SCYL3: variants seen among roughly 807,000 people sequenced by gnomAD.
SCYL3 encodes the protein protein-associating with the carboxyl-terminal domain of ezrin.
SCYL3 carries 35 observed loss-of-function variants against 73.8 expected under a neutral mutation model. The ratio of observed to expected loss-of-function variants is 0.47; its 90% CI spans 0.36 to 0.63. SCYL3 has a LOEUF of 0.63. SCYL3 is among the 20% of genes least tolerant of loss of function. SCYL3 has a pLI of 0.00. For missense variants in SCYL3, 712 were observed against 798.9 expected, an observed-to-expected ratio of 0.89 and a Z score of 1.31; for synonymous variants, 277 against 295.2, an observed-to-expected ratio of 0.94 and a Z score of 0.63.
At chr1:169,881,625 C>T (rs1661265961) in intron 2 of SCYL3, among the ~76,000 whole-genome samples, 1 of 152,182 alleles carries the variant, frequency 6.6e-6, no homozygotes, top group African/African-American at 2.4e-5. Flanking sequence ...CTGGTAACCA[C>T]CAGTCTACTC....
At chr1:169,868,415 C>A (rs1660182970) in intron 7 of SCYL3, among the ~76,000 whole-genome samples, 1 of 152,172 alleles carries the variant, frequency 6.6e-6, no homozygotes, top group African/African-American at 2.4e-5. Flanking sequence ...TCAAAAATAT[C>A]TCTGAATCTA....
chr1:169,861,369 C>G (rs1221626867), intron 10 of SCYL3, among the ~76,000 whole-genome samples: 1 of 152,126 alleles, frequency 6.6e-6, no homozygotes, highest in Non-Finnish European at 1.5e-5. Flanking sequence ...ACCTGCCTTG[C>G]TAGAGAAATC....
intron 10 of SCYL3, among the ~76,000 whole-genome samples, chr1:169,861,564 G>A (rs778776544): frequency 1.6e-4 from 24 of 152,158 alleles, no homozygotes; most frequent in Middle Eastern, 3.2e-3. Flanking sequence ...CTTCAGCTGA[G>A]TCCAGTCAAT....
rs1659882425 is a variant in SCYL3, at chr1:169,864,451, C to T, written c.873G>A (p.Val291=). ...LSEELIASRL[V]PLLLNQLVFA... ...ACACCAACTGATTAAGCAGAAGAGG[C>T]ACCAACCTTGAAGCTATCAATTCCT... The change falls in exon 9 of 13, where the codon GTG becomes GTA. Residue 291 remains valine (V), a synonymous_variant. Transcript: ENST00000367771. 1 of 1,613,690 alleles carries T rather than the reference C, an allele frequency of 6.2e-7. No individual in the cohort carries two copies. The highest frequency in any genetic ancestry group is 8.5e-7 in the Non-Finnish European group (1 of 1,179,872).
chr1:169,849,705 G>C lies in SCYL3; in HGVS notation c.*4008C>G. On this transcript the variant is annotated 3_prime_UTR_variant, in exon 13 of 13. Transcript: ENST00000367771. ...ACATTTATTGAACTGCTTCTGTATT[G>C]CAATCGGAAAATTGTCTGAAGGGTA... 1.1e-6 allele frequency: 1 copy of C among 887,460 alleles called. No individual in the cohort carries two copies. Among genetic ancestry groups the C allele is most frequent in the Non-Finnish European group, 1.8e-6 (1 of 565,606 alleles). The allele number at this position is 887,460 out of a possible 1,614,324, so 55.0% of individuals were successfully genotyped here.
At chr1:169,876,976 A>G (rs1381445847) in intron 3 of SCYL3, among the ~76,000 whole-genome samples, 70 of 149,298 alleles carry the variant, frequency 4.7e-4, no homozygotes, top group South Asian at 3.4e-3. Flanking sequence ...AAAAAAAAAA[A>G]AAAAAAAAAA....
In SCYL3 at chr1:169,853,323, T is replaced by C. The variant is rs1201201984; in HGVS notation, c.*390A>G. 5.9e-6 allele frequency: 2 copies of C among 338,366 alleles called. No individual in the cohort carries two copies. Among genetic ancestry groups the C allele is most frequent in the Non-Finnish European group, 5.3e-6 (1 of 187,118 alleles). 21.0% of individuals were successfully genotyped at this position (338,366 alleles called of 1,614,324 possible). A position where few individuals can be genotyped will look rare whatever the true frequency, so the allele number is the denominator to read the frequency against. On this transcript the variant is annotated 3_prime_UTR_variant, in exon 13 of 13. Transcript: ENST00000367771. ...AGCTAAAATTTTTTAAAGTTGTATT[T>C]CATAATAGAGCTTACTCTTATGTTA...
chr1:169,886,770 A>G (rs1661713521), intron 2 of SCYL3, among the ~76,000 whole-genome samples: 1 of 152,246 alleles, frequency 6.6e-6, no homozygotes, highest in Non-Finnish European at 1.5e-5. Flanking sequence ...TGAGATGGTC[A>G]GATAGAACTA....
chr1:169,893,897 A>T (rs1489863369), upstream of SCYL3: 1 of 152,476 alleles, frequency 6.6e-6, no homozygotes, highest in Non-Finnish European at 1.5e-5. Flanking sequence ...TGGCCACTAC[A>T]CCCACAATCT....
chr1:169,859,158 T>A lies in SCYL3; in HGVS notation c.1195A>T (p.Ser399Cys). 1.9e-6 allele frequency: 3 copies of A among 1,613,786 alleles called. No homozygotes were observed. Among genetic ancestry groups the A allele is most frequent in the African/African-American group, 2.7e-5 (2 of 75,002 alleles). Reference sequence around the variant, plus strand: ...AGCAGAGAGACCAGCACTGCTAGGCTATGCAGAGTAATTGCCACAATGGAA... The same window carrying A: ...AGCAGAGAGACCAGCACTGCTAGGCAATGCAGAGTAATTGCCACAATGGAA... Reference protein sequence around the residue: ...SDSIVAITLHSLAVLVSLLGP... With the variant: ...SDSIVAITLHCLAVLVSLLGP... Residue 399 changes from serine to cysteine, a missense_variant, in exon 11 of 13, where the codon AGC becomes TGC. Ser to Cys is a moderately radical substitution (Grantham distance 112, BLOSUM62 -1). Coordinates refer to ENST00000367771, the MANE Select transcript of SCYL3 (RefSeq NM_020423.7).
intron 9 of SCYL3, among the ~76,000 whole-genome samples, chr1:169,863,912 A>C (rs1240692063): frequency 6.6e-6 from 1 of 152,002 alleles, no homozygotes; most frequent in African/African-American, 2.4e-5. Context: ...TAGTGCTATA[A>C]AATTGTAAAA....
At chr1:169,866,994 GA>G (rs1483688695) in intron 7 of SCYL3, 21 bp from the exon 8 acceptor site, 17 of 1,336,258 alleles carry the variant, frequency 1.3e-5, no homozygotes, top group Non-Finnish European at 1.8e-5. Context: ...AAAAGAGAAG[GA>G]ATTCAGCAGA....
At chr1:169,885,710 ACT>A (rs1427513724) in intron 2 of SCYL3, among the ~76,000 whole-genome samples, 2 of 152,236 alleles carry the variant, frequency 1.3e-5, no homozygotes, top group Admixed American at 1.3e-4. Context: ...CATTTGAGGT[ACT>A]GATAAAACTT....
chr1:169,877,496 G>C (rs748754530), intron 3 of SCYL3, among the ~76,000 whole-genome samples: 1 of 152,172 alleles, frequency 6.6e-6, no homozygotes, highest in Non-Finnish European at 1.5e-5. Flanking sequence ...TACATCAAAT[G>C]TGTAAATATT....
chr1:169,855,103 CCAG>C, intron 11 of SCYL3, 139 bp from the exon 12 acceptor site: 1 of 596,956 alleles, frequency 1.7e-6, no homozygotes, highest in Non-Finnish European at 2.9e-6. Context: ...AAAAGAGATC[CCAG>C]CAGAACATTA....
chr1:169,863,460 A>T (rs1402028383), intron 9 of SCYL3, among the ~76,000 whole-genome samples: 1 of 152,170 alleles, frequency 6.6e-6, no homozygotes, highest in African/African-American at 2.4e-5. Context: ...TTTATTTGCA[A>T]AACCAGGTGT....
In SCYL3 at chr1:169,864,387, G is replaced by A. The variant is rs1211315309; in HGVS notation, c.937C>T (p.Leu313=). ...PVAVKSFLPY[L]LGPKKDHAQG... ...CATTCACCTTTTTTGGGGCCAAGCA[G>A]ATAAGGAAGAAAACTCTTAACAGCC... The change falls in exon 9 of 13, where the codon CTG becomes TTG. Residue 313 remains leucine, a synonymous_variant. Transcript: ENST00000367771. 3.2e-5 allele frequency: 52 copies of A among 1,614,000 alleles called. No individual in the cohort carries two copies. Among genetic ancestry groups the A allele is most frequent in the African/African-American group, 5.3e-5 (4 of 74,926 alleles).
At position 169,851,648 on chromosome 1, in the gene SCYL3, A is replaced by T; in HGVS notation, c.*2065T>A. On this transcript the variant is annotated 3_prime_UTR_variant, in exon 13 of 13. Transcript: ENST00000367771. ...ACTATTTTGTAAGGAAGAACACAGT[A>T]GAGTGATTTAATCCAGATTATACTA... 1 of 751,734 alleles carries T rather than the reference A, an allele frequency of 1.3e-6. No individual in the cohort carries two copies. The highest frequency in any genetic ancestry group is 2.7e-5 in the East Asian group (1 of 37,168). The allele number at this position is 751,734 out of a possible 1,614,324, so 46.6% of individuals were successfully genotyped here. A position where few individuals can be genotyped will look rare whatever the true frequency, so the allele number is the denominator to read the frequency against.
chr1:169,883,507 T>C (rs1010667614), intron 2 of SCYL3, among the ~76,000 whole-genome samples: 1 of 152,198 alleles, frequency 6.6e-6, no homozygotes, highest in Admixed American at 6.5e-5. Flanking sequence ...ATATTTCATT[T>C]GGAAGATAAC....
Sources: allele counts gnomAD v4.1 joint callset (sites outside exome capture counted in the v4.1 genomes callset), GRCh38; gene constraint gnomAD v4.1.1; transcripts MANE v1.5; gene names NCBI Gene and HGNC (gene_info 2026-07-23, HGNC 2026-07-21).